Variants in WAC observed in about 807,000 individuals in gnomAD.
WAC encodes WW domain-containing adapter protein with coiled-coil.
A neutral mutation model predicts 79.6 loss-of-function variants in WAC; 11 were observed. That is an observed-to-expected ratio of 0.14 (90% CI 0.09 to 0.23). WAC has a LOEUF of 0.23. Ranked by LOEUF, WAC falls within the 10% of genes least tolerant of loss-of-function variation. The probability of loss-of-function intolerance (pLI) is 1.00; values close to 1 mark genes in which losing one functional copy is unlikely to be tolerated. For synonymous variants in WAC, 304 were observed against 276.9 expected, an observed-to-expected ratio of 1.10 and a Z score of -0.97; for missense variants, 728 against 773.5, an observed-to-expected ratio of 0.94 and a Z score of 0.70.
chr10:28,533,923 G>T (rs1176451875), intron 1 of WAC, 75 bp from the exon 2 acceptor site: 4 of 1,559,514 alleles, frequency 2.6e-6, no homozygotes, highest in South Asian at 1.1e-5. Context: ...GGGCGGCGGG[G>T]GCCCCGTTTT....
At chr10:28,608,597 C>G (rs577844882) in intron 8 of WAC, 166 bp downstream of exon 8, 7 of 711,254 alleles carry the variant, frequency 9.8e-6, no homozygotes, top group Admixed American at 6.2e-5. Flanking sequence ...TTTATATCCA[C>G]TGTAGTTTAA....
At chr10:28,533,943 C>G in intron 1 of WAC, 55 bp from the exon 2 acceptor site, 1 of 1,596,310 alleles carries the variant, frequency 6.3e-7, no homozygotes, top group Non-Finnish European at 8.5e-7. Flanking sequence ...TCTTCCTCCC[C>G]GGCCCCCCAC....
chr10:28,597,741 A>G (rs532774055), intron 7 of WAC, among the ~76,000 whole-genome samples: 2 of 152,038 alleles, frequency 1.3e-5, no homozygotes, highest in East Asian at 1.9e-4. Flanking sequence ...CTTTCCCACA[A>G]TTTATTCTTA....
intron 7 of WAC, among the ~76,000 whole-genome samples, chr10:28,604,945 C>G (rs528045164): frequency 8.5e-5 from 13 of 152,134 alleles, no homozygotes; most frequent in Non-Finnish European, 1.6e-4. Flanking sequence ...CTCAGAATAG[C>G]ATTTTATGTT....
chr10:28,603,301 C>T (rs1175552987), intron 7 of WAC, among the ~76,000 whole-genome samples: 1 of 152,080 alleles, frequency 6.6e-6, no homozygotes, highest in Non-Finnish European at 1.5e-5. Flanking sequence ...CAAAGCTGTC[C>T]TAGGCTTCAT....
intron 12 of WAC, among the ~76,000 whole-genome samples, chr10:28,617,190 C>A (rs1013675766): frequency 1.3e-5 from 2 of 152,234 alleles, no homozygotes; most frequent in Non-Finnish European, 2.9e-5. Context: ...TTAGGACATT[C>A]CAGTTACTGC....
chr10:28,581,766 G>A (rs1428138499), intron 3 of WAC, among the ~76,000 whole-genome samples: 1 of 150,974 alleles, frequency 6.6e-6, no homozygotes, highest in Non-Finnish European at 1.5e-5. Flanking sequence ...TTACCATGTT[G>A]GTCAGGCTGG....
chr10:28,541,515 T>C (rs1274552798), intron 3 of WAC, among the ~76,000 whole-genome samples: 1 of 134,866 alleles, frequency 7.4e-6, no homozygotes, highest in Non-Finnish European at 1.5e-5. Flanking sequence ...CATTGCAACC[T>C]CCACCCCCTG....
intron 9 of WAC, chr10:28,611,068 G>A (rs1841216959): frequency 1.8e-6 from 1 of 564,456 alleles, no homozygotes; most frequent in Non-Finnish European, 2.9e-6. Flanking sequence ...AATTATTTAA[G>A]ACAGTATTTA....
intron 3 of WAC, among the ~76,000 whole-genome samples, chr10:28,547,700 A>G (rs189978405): frequency 5.0e-4 from 76 of 152,106 alleles, no homozygotes; most frequent in Non-Finnish European, 8.8e-5. Flanking sequence ...TATTTCTAAA[A>G]ATCAAACCTG....
At chr10:28,545,627 A>T (rs1001794717) in intron 3 of WAC, among the ~76,000 whole-genome samples, 1 of 152,240 alleles carries the variant, frequency 6.6e-6, no homozygotes, top group African/African-American at 2.4e-5. Context: ...TAACAGTCTG[A>T]TTATTAGAGT....
chr10:28,585,655 G>T (rs1839784637), intron 4 of WAC, among the ~76,000 whole-genome samples: 1 of 151,288 alleles, frequency 6.6e-6, no homozygotes, highest in South Asian at 2.1e-4. Context: ...GAATCTGCCT[G>T]TTTTCCTGGA....
In WAC at chr10:28,533,590, A is replaced by G; in HGVS notation, c.11A>G (p.Tyr4Cys). 6.4e-7 allele frequency: 1 copy of G among 1,569,662 alleles called. No individual in the cohort carries two copies. Among genetic ancestry groups the G allele is most frequent in the Non-Finnish European group, 8.7e-7 (1 of 1,155,642 alleles). Reference sequence around the variant, plus strand: ...ACAGGCCGGGCATTGATGGTAATGTATGCGAGGAAACAGCAGAGACTCAGT... The same window carrying G: ...ACAGGCCGGGCATTGATGGTAATGTGTGCGAGGAAACAGCAGAGACTCAGT... MVMYARKQQRLSDG... is the reference protein window; with the variant it reads MVMCARKQQRLSDG... Residue 4 changes from tyrosine (Y) to cysteine (C), a missense_variant, in exon 1 of 14, where the codon TAT becomes TGT. Physicochemically the swap from Tyr to Cys is radical, Grantham distance 194 (BLOSUM62 -2). This residue lies in a region of WAC where 648 missense variants were observed against 661.5 expected (regional missense o/e 0.98). Transcript: ENST00000354911.
intron 13 of WAC, 77 bp downstream of exon 13, chr10:28,617,861 C>A: frequency 7.0e-7 from 1 of 1,435,812 alleles, no homozygotes; most frequent in Non-Finnish European, 9.2e-7. Flanking sequence ...ATGTAAATCA[C>A]ATTTTATTTA....
At chr10:28,611,702 A>T in intron 9 of WAC, 72 bp from the exon 10 acceptor site, 1 of 1,552,326 alleles carries the variant, frequency 6.4e-7, no homozygotes. Context: ...TTTGCCACAT[A>T]TATTACAAAG....
intron 4 of WAC, among the ~76,000 whole-genome samples, chr10:28,587,436 A>G (rs567451202): frequency 6.6e-6 from 1 of 152,334 alleles, no homozygotes; most frequent in South Asian, 2.1e-4. Flanking sequence ...TCATGTTAGT[A>G]TTATTATGAA....
Position 28,616,162 on chromosome 10 carries a change from C to A in WAC, c.1557-11C>A. On this transcript the variant is annotated splice_polypyrimidine_tract_variant and intron_variant, in intron 11 of 13. Transcript: ENST00000354911. Reference sequence around the variant, plus strand: ...TTTTAAACATACTACACATTCAATTCTGTTTTCTAGTAGCCAGAGAAGTCC... The same window carrying A: ...TTTTAAACATACTACACATTCAATTATGTTTTCTAGTAGCCAGAGAAGTCC... 1 of 1,572,304 alleles carries A rather than the reference C, an allele frequency of 6.4e-7. No homozygotes were observed. The highest frequency in any genetic ancestry group is 1.2e-5 in the South Asian group (1 of 86,614).
chr10:28,604,026 A>ATTTT (rs1416964355), intron 7 of WAC, among the ~76,000 whole-genome samples: 1 of 140,660 alleles, frequency 7.1e-6, no homozygotes, highest in African/African-American at 2.6e-5. Context: ...AAGTACACTG[A>ATTTT]TTTTTTTTAA....
chr10:28,591,534 G>GTA (rs1840082385), intron 6 of WAC: 2 of 152,062 alleles, frequency 1.3e-5, no homozygotes. Context: ...TTTATTAAAG[G>GTA]TATTCTATTT....
Sources: gnomAD v4.1 joint callset for allele counts (sites outside exome capture counted in the v4.1 genomes callset) on GRCh38, gnomAD v4.1.1 for gene constraint, gnomAD v4.1.1 regional missense constraint, MANE v1.5 for transcripts, NCBI Gene and HGNC (gene_info 2026-07-23, HGNC 2026-07-21) for gene names.